Variants in TNIP3 observed in about 807,000 individuals in gnomAD.
The protein encoded by TNIP3 is TNFAIP3 interacting protein 3, also known as TNFAIP3-interacting protein 3.
A neutral mutation model predicts 54.1 loss-of-function variants in TNIP3; 34 were observed. The ratio of observed to expected loss-of-function variants is 0.63; its 90% CI spans 0.48 to 0.84. The LOEUF is 0.84. Ranked by LOEUF, TNIP3 falls within the 40% of genes least tolerant of loss-of-function variation. TNIP3 has a pLI of 0.00. For missense variants in TNIP3, 366 were observed against 387.6 expected (o/e 0.94, Z 0.47); for synonymous variants, 134 against 136.8 (o/e 0.98, Z 0.14).
chr4:121,147,006 T>A (rs1348152030), intron 7 of TNIP3, 43 bp downstream of exon 7: 30 of 1,560,732 alleles, frequency 1.9e-5, no homozygotes, highest in Non-Finnish European at 2.6e-5. Context: ...ATGAAAAAAA[T>A]ATACATACAT....
chr4:121,186,335 G>A (rs1461435555), intron 2 of TNIP3, among the ~76,000 whole-genome samples: 2 of 152,214 alleles, frequency 1.3e-5, no homozygotes, highest in Non-Finnish European at 2.9e-5. Flanking sequence ...AAAGCACACA[G>A]GAGGGGTGGA....
chr4:121,160,359 A>G (rs1368434581), intron 2 of TNIP3, among the ~76,000 whole-genome samples: 1 of 151,992 alleles, frequency 6.6e-6, no homozygotes, highest in African/African-American at 2.4e-5. Context: ...CACGCCTGTA[A>G]TCCCAGCTAC....
At chr4:121,138,277 T>G (rs1728908028) in intron 10 of TNIP3, among the ~76,000 whole-genome samples, 1 of 152,176 alleles carries the variant, frequency 6.6e-6, no homozygotes, top group Non-Finnish European at 1.5e-5. Context: ...CAACCTGGAA[T>G]AGTGGGTGTG....
intron 2 of TNIP3, among the ~76,000 whole-genome samples, chr4:121,208,349 C>T (rs1726296022): frequency 6.6e-6 from 1 of 152,104 alleles, no homozygotes; most frequent in Admixed American, 6.5e-5. Context: ...ATTTTACAGA[C>T]CCTGAACTCA....
At chr4:121,164,363 C>T, upstream of TNIP3, 3 of 1,268,876 alleles carry the variant, frequency 2.4e-6, no homozygotes, top group South Asian at 2.2e-5. Flanking sequence ...CTTTTCTTCT[C>T]TTCCAAATAG....
Position 121,205,652 on chromosome 4 carries a change from G to A in TNIP3, c.68+10763C>T, listed in dbSNP as rs184059744. On this transcript the variant is annotated intron_variant, in intron 2 of 12. Coordinates refer to the TNIP3 transcript ENST00000507879. ...TGGACAGAATGGTAGTGAGGGATGT[G>A]GAAAGAAAAGGTGGGATTCTGGGCA... Among the ~76,000 whole-genome samples, 3 of 152,144 alleles carry A rather than the reference G, an allele frequency of 2.0e-5. No homozygotes were observed. The East Asian group carries it at 5.8e-4, about 29-fold the overall frequency.
At chr4:121,186,757 C>T (rs142131725) in intron 2 of TNIP3, among the ~76,000 whole-genome samples, 2,810 of 152,082 alleles carry the variant, frequency 0.018, 60 homozygotes, top group Admixed American at 0.029. Context: ...AAAGTAGGAG[C>T]CATAAATTTA....
At chr4:121,198,094 G>A (rs976220663) in intron 2 of TNIP3, among the ~76,000 whole-genome samples, 2 of 151,350 alleles carry the variant, frequency 1.3e-5, no homozygotes, top group Admixed American at 1.3e-4. Context: ...TTCTGGGTGA[G>A]TATAAATATT....
chr4:121,171,671 C>G (rs915041736), intron 3 of TNIP3, among the ~76,000 whole-genome samples: 1 of 152,180 alleles, frequency 6.6e-6, no homozygotes, highest in African/African-American at 2.4e-5. Flanking sequence ...AAAAAGAGTA[C>G]TGCCTGGATG....
intron 2 of TNIP3, among the ~76,000 whole-genome samples, chr4:121,198,608 A>C (rs187234613): frequency 2.4e-3 from 369 of 152,374 alleles, no homozygotes; most frequent in Middle Eastern, 3.4e-3. Context: ...TTAAAAACAA[A>C]AACTATAGCA....
At chr4:121,175,670 T>C (rs1311985700) in intron 3 of TNIP3, among the ~76,000 whole-genome samples, 3 of 152,188 alleles carry the variant, frequency 2.0e-5, no homozygotes, top group Admixed American at 6.5e-5. Flanking sequence ...TCTGAGTAAA[T>C]AGAAAGCATC....
At chr4:121,210,928 A>C (rs1726447526) in intron 2 of TNIP3, among the ~76,000 whole-genome samples, 1 of 152,226 alleles carries the variant, frequency 6.6e-6, no homozygotes, top group East Asian at 1.9e-4. Flanking sequence ...GCACAGCAAA[A>C]AATGAAAACA....
intron 4 of TNIP3, among the ~76,000 whole-genome samples, chr4:121,155,947 C>T (rs1730058266): frequency 6.6e-6 from 1 of 151,978 alleles, no homozygotes; most frequent in South Asian, 2.1e-4. Context: ...AGAAAATAAG[C>T]CAATTATTTT....
At chr4:121,208,146 GAACT>G (rs887044648) in intron 2 of TNIP3, among the ~76,000 whole-genome samples, 2 of 152,076 alleles carry the variant, frequency 1.3e-5, no homozygotes, top group African/African-American at 4.8e-5. Context: ...GCATGAAAAT[GAACT>G]AATATACAAC....
intron 4 of TNIP3, 84 bp from the exon 5 acceptor site, chr4:121,154,763 T>C: frequency 1.5e-6 from 2 of 1,338,644 alleles, no homozygotes; most frequent in East Asian, 2.5e-5. Context: ...ATATCAGCCA[T>C]GGCAGGCAGA....
chr4:121,172,425 G>A (rs1724020791), intron 3 of TNIP3, among the ~76,000 whole-genome samples: 1 of 152,166 alleles, frequency 6.6e-6, no homozygotes, highest in Non-Finnish European at 1.5e-5. Flanking sequence ...GATTGCCAGT[G>A]AGGATACAGG....
chr4:121,208,486 T>A (rs1329251808), intron 2 of TNIP3, among the ~76,000 whole-genome samples: 4 of 152,106 alleles, frequency 2.6e-5, no homozygotes, highest in Non-Finnish European at 4.4e-5. Flanking sequence ...ACCTAACCAA[T>A]CAGCACTACC....
At chr4:121,187,955 C>T (rs1725111036) in intron 2 of TNIP3, among the ~76,000 whole-genome samples, 1 of 151,824 alleles carries the variant, frequency 6.6e-6, no homozygotes, top group African/African-American at 2.4e-5. Context: ...TTTTTTTTAA[C>T]CATCCAGGAA....
At chr4:121,153,208 G>T (rs541336020) in intron 5 of TNIP3, among the ~76,000 whole-genome samples, 1 of 151,768 alleles carries the variant, frequency 6.6e-6, no homozygotes, top group African/African-American at 2.4e-5. Flanking sequence ...TATAATCACC[G>T]GAATGATGAA....
Sources: gnomAD v4.1 joint callset for allele counts (sites outside exome capture counted in the v4.1 genomes callset) on GRCh38, gnomAD v4.1.1 for gene constraint, MANE v1.5 for transcripts, NCBI Gene and HGNC (gene_info 2026-07-23, HGNC 2026-07-21) for gene names.